Variants in BUB1 observed in about 807,000 individuals in gnomAD.
BUB1 encodes the protein mitotic checkpoint serine/threonine-protein kinase BUB1.
A neutral mutation model predicts 135.2 loss-of-function variants in BUB1; 84 were observed. That is an observed-to-expected ratio of 0.62 (90% CI 0.52 to 0.74). The LOEUF (loss-of-function observed/expected upper bound fraction) is 0.74. BUB1 is among the 30% of genes least tolerant of loss of function. The pLI is 0.00. For synonymous variants in BUB1, 403 were observed against 434.4 expected (o/e 0.93, Z 0.90); for missense variants, 1,162 against 1,288.3 (o/e 0.90, Z 1.50).
rs772224374 is a variant in BUB1 at position 110,648,624 on chromosome 2, G to A, written c.2347+610C>T. 6.6e-6 allele frequency among the ~76,000 whole-genome samples: 1 copy of A among 152,168 alleles called. No homozygotes were observed. Among genetic ancestry groups the A allele is most frequent in the African/African-American group, 2.4e-5 (1 of 41,436 alleles). ...CACTCATGCAAGATGTTAGTAACAC[G>A]AAAATCTGTGTGTGTATATATGGGG... On this transcript the variant is annotated intron_variant, in intron 19 of 24. Coordinates refer to ENST00000302759, the MANE Select transcript of BUB1 (RefSeq NM_004336.5). This position sits in a 1 kb window ranked among gnomAD's most constrained non-coding sequence, Gnocchi z 4.2.
intron 4 of BUB1, among the ~76,000 whole-genome samples, chr2:110,671,330 G>C (rs1465720635): frequency 1.3e-5 from 2 of 152,192 alleles, no homozygotes; most frequent in East Asian, 3.8e-4. Flanking sequence ...ATATTTTGCT[G>C]TTATGGATCG....
At position 110,658,708 on chromosome 2, in the gene BUB1, A is replaced by C; in HGVS notation, c.1311T>G (p.Ser437=). 6.2e-7 allele frequency: 1 copy of C among 1,614,194 alleles called. No individual in the cohort carries two copies. The highest frequency in any genetic ancestry group is 8.5e-7 in the Non-Finnish European group (1 of 1,180,024). ...GTGATGTGTTTGGAGTTGTGTGAAA[A>C]GAACTTGTGTTGGCAACCTTATGTG... ...CETHKVANTS[S]FHTTPNTSLG... The change falls in exon 12 of 25, where the codon TCT becomes TCG. Residue 437 remains serine (S), a synonymous_variant. Transcript: ENST00000302759.
intron 1 of BUB1, among the ~76,000 whole-genome samples, chr2:110,676,046 A>G (rs1690573017): frequency 3.3e-5 from 5 of 152,198 alleles, no homozygotes; most frequent in Admixed American, 3.3e-4. Context: ...AAGAAAAGCT[A>G]AATAAAGACA....
rs756456694 is a variant in BUB1, at chr2:110,666,393, A to G, written c.827T>C (p.Met276Thr). The change falls in exon 9 of 25, where the codon ATG (methionine) becomes ACG (threonine). Residue 276 changes from methionine (M) to threonine (T), a missense_variant. Coordinates refer to ENST00000302759, the MANE Select transcript of BUB1 (RefSeq NM_004336.5). Reference sequence around the variant, plus strand: ...AAAAGCATTTGCTTCTTTCCTTTTCATATAATGTCTGTCTTCATTTACTTT... The same window carrying G: ...AAAAGCATTTGCTTCTTTCCTTTTCGTATAATGTCTGTCTTCATTTACTTT... The part of the protein sequence containing the change: ...EQWVNEDRHY[M>T]KRKEANAFEE... 10 of 1,470,362 alleles carry G rather than the reference A, an allele frequency of 6.8e-6. No homozygotes were observed. In the South Asian group the frequency reaches 7.7e-5, roughly 11 times the overall value. The allele number at this position is 1,470,362 out of a possible 1,614,324, so 91.1% of individuals were successfully genotyped here.
chr2:110,656,490 C>T (rs1689937563), intron 15 of BUB1, among the ~76,000 whole-genome samples: 1 of 152,164 alleles, frequency 6.6e-6, no homozygotes. Context: ...AATGTCCCTA[C>T]ACAGTTTGGG....
chr2:110,638,217 C>A, intron 24 of BUB1, 58 bp from the exon 25 acceptor site: 1 of 1,376,116 alleles, frequency 7.3e-7, no homozygotes, highest in Non-Finnish European at 9.8e-7. Flanking sequence ...TGCAGGATAA[C>A]CCCACCCCTG....
intron 21 of BUB1, 66 bp downstream of exon 21, chr2:110,641,566 CCACAAAAGTA>C (rs1689505256): frequency 2.6e-6 from 4 of 1,559,460 alleles, no homozygotes; most frequent in Non-Finnish European, 3.5e-6. Flanking sequence ...AAAGCCCCAA[CCACAAAAGTA>C]CGTGCAAGGT....
intron 6 of BUB1, 113 bp downstream of exon 6, chr2:110,669,340 C>A (rs1690354168): frequency 5.3e-6 from 4 of 752,448 alleles, no homozygotes; most frequent in South Asian, 3.2e-5. Context: ...GAGCTCAGAG[C>A]CATGAAGAGA....
At chr2:110,677,882 A>T in intron 1 of BUB1, 88 bp downstream of exon 1, 1 of 1,465,934 alleles carries the variant, frequency 6.8e-7, no homozygotes, top group Admixed American at 2.2e-5. Context: ...CGAAGGGGGC[A>T]AAAGAAGGCA....
intron 9 of BUB1, among the ~76,000 whole-genome samples, chr2:110,663,799 T>G (rs1004445313): frequency 6.6e-6 from 1 of 152,086 alleles, no homozygotes; most frequent in Non-Finnish European, 1.5e-5. Flanking sequence ...GGGGCCAAGG[T>G]GGGCGGATCA....
chr2:110,658,805 C>T, intron 11 of BUB1, 63 bp from the exon 12 acceptor site: 1 of 1,581,386 alleles, frequency 6.3e-7, no homozygotes, highest in Admixed American at 1.7e-5. Context: ...TTAAAAGACA[C>T]ACAATTTAAG....
In BUB1 at chr2:110,674,354, G is replaced by C; in HGVS notation, c.38C>G (p.Ala13Gly). 1.2e-6 allele frequency: 2 copies of C among 1,613,928 alleles called. No individual in the cohort carries two copies. Among genetic ancestry groups the C allele is most frequent in the Non-Finnish European group, 1.7e-6 (2 of 1,179,972 alleles). ...TPENVLQMLE[A>G]HMQSYKGNDP... ...ATTGCCCTTGTAGCTCTGCATGTGG[G>C]CTTCAAGCATCCTAGAAGAGAGAAA... The change falls in exon 2 of 25, where the codon GCC becomes GGC. Residue 13 changes from alanine to glycine, a missense_variant. Physicochemically the swap from Ala to Gly is moderately conservative, Grantham distance 60. Coordinates refer to ENST00000302759, the MANE Select transcript of BUB1 (RefSeq NM_004336.5).
At chr2:110,641,867 C>A in intron 20 of BUB1, 64 bp from the exon 21 acceptor site, 1 of 1,506,282 alleles carries the variant, frequency 6.6e-7, no homozygotes. Context: ...AGCAATAAAG[C>A]AACCTCTATC....
At chr2:110,661,892 T>A (rs775118032) in intron 9 of BUB1, 51 bp from the exon 10 acceptor site, 1 of 1,590,334 alleles carries the variant, frequency 6.3e-7, no homozygotes, top group South Asian at 1.1e-5. Flanking sequence ...AAGTCCAGAA[T>A]ACTACTAATC....
At chr2:110,659,297 G>A (rs184696211) in intron 11 of BUB1, among the ~76,000 whole-genome samples, 31 of 152,290 alleles carry the variant, frequency 2.0e-4, no homozygotes, top group Admixed American at 9.8e-4. Flanking sequence ...CTAATGGCAT[G>A]GTAGCTCCCT....
chr2:110,652,398 A>G (rs937720679), intron 17 of BUB1, among the ~76,000 whole-genome samples: 1 of 152,320 alleles, frequency 6.6e-6, no homozygotes, highest in South Asian at 2.1e-4. Context: ...GTCCCAAAGT[A>G]TAGTGCTGAA....
intron 23 of BUB1, 36 bp downstream of exon 23, chr2:110,640,998 A>G (rs1386057158): frequency 1.3e-6 from 2 of 1,517,940 alleles, no homozygotes; most frequent in Non-Finnish European, 1.8e-6. Flanking sequence ...CGCAACACAG[A>G]AAAATATTTC....
At chr2:110,660,637 C>G (rs1165315753) in intron 10 of BUB1, among the ~76,000 whole-genome samples, 1 of 152,036 alleles carries the variant, frequency 6.6e-6, no homozygotes, top group Non-Finnish European at 1.5e-5. Flanking sequence ...GGGATAAGAA[C>G]CATCTCTATA....
At chr2:110,653,299 A>G in intron 17 of BUB1, 137 bp downstream of exon 17, 2 of 801,124 alleles carry the variant, frequency 2.5e-6, no homozygotes, top group East Asian at 5.3e-5. Context: ...CTACTAGTCC[A>G]TAAAATCTTT....
Sources: allele counts gnomAD v4.1 joint callset (sites outside exome capture counted in the v4.1 genomes callset), GRCh38; gene constraint gnomAD v4.1.1; non-coding constraint Gnocchi (gnomAD v3.1); transcripts MANE v1.5; gene names NCBI Gene and HGNC (gene_info 2026-07-23, HGNC 2026-07-21).